The following CDC42SE2 variants were observed in gnomAD, a reference collection of about 807,000 sequenced individuals.
CDC42SE2 encodes CDC42 small effector protein 2.
Under a neutral mutation model 11.5 loss-of-function variants are expected in CDC42SE2, and 3 were observed. The ratio of observed to expected loss-of-function variants is 0.26; its 90% confidence interval spans 0.12 to 0.67. The LOEUF (loss-of-function observed/expected upper bound fraction) is 0.67. Among genes scored for constraint, CDC42SE2 ranks in the 30% least tolerant of loss-of-function variants. The pLI, the probability that CDC42SE2 is intolerant of heterozygous loss-of-function variation, is 0.80. For missense variants in CDC42SE2, 82 were observed against 106.8 expected, an observed-to-expected ratio of 0.77 and a Z score of 1.02; for synonymous variants, 33 against 34.8, an observed-to-expected ratio of 0.95 and a Z score of 0.18.
intron 2 of CDC42SE2, among the ~76,000 whole-genome samples, chr5:131,318,775 A>G (rs1421455528): frequency 6.6e-6 from 1 of 152,210 alleles, no homozygotes; most frequent in Non-Finnish European, 1.5e-5. Context: ...TAGCTGATAC[A>G]TCTTTCTCAA....
intron 1 of CDC42SE2, among the ~76,000 whole-genome samples, chr5:131,307,644 T>C (rs1048215602): frequency 1.7e-4 from 26 of 152,304 alleles, no homozygotes; most frequent in South Asian, 6.2e-4. Context: ...ATTGCCACAC[T>C]GACTTCCACA....
At chr5:131,310,692 C>A (rs1225168415) in intron 1 of CDC42SE2, among the ~76,000 whole-genome samples, 1 of 152,086 alleles carries the variant, frequency 6.6e-6, no homozygotes, top group African/African-American at 2.4e-5. Flanking sequence ...ATCCCTTTAC[C>A]ATTATGTAAT....
intron 1 of CDC42SE2, among the ~76,000 whole-genome samples, chr5:131,270,163 A>G (rs1756963175): frequency 6.6e-6 from 1 of 151,976 alleles, no homozygotes. Flanking sequence ...TCATGAGGTC[A>G]GGAGATCAAG....
At chr5:131,344,471 G>A (rs573158217) in intron 2 of CDC42SE2, among the ~76,000 whole-genome samples, 1 of 152,324 alleles carries the variant, frequency 6.6e-6, no homozygotes, top group Admixed American at 6.5e-5. Flanking sequence ...CACCATTGTT[G>A]AGGCTTGAGT....
At chr5:131,363,399 G>T (rs774613546) in intron 3 of CDC42SE2, among the ~76,000 whole-genome samples, 1 of 152,062 alleles carries the variant, frequency 6.6e-6, no homozygotes, top group Non-Finnish European at 1.5e-5. Context: ...GTTTTGAGAC[G>T]GAGTTTTGCT....
intron 1 of CDC42SE2, among the ~76,000 whole-genome samples, chr5:131,266,954 C>CTTTTTTTTTTTTTTTTTTTTTTTGT (rs34496996): frequency 1.4e-5 from 1 of 69,514 alleles, no homozygotes; most frequent in Non-Finnish European, 2.8e-5. Flanking sequence ...AAGTGTTTGG[C>CTTTTTTTTTTTTTTTTTTTTTTTGT]TTTTTTTTTT....
chr5:131,260,369 TC>T (rs1425715708), upstream of CDC42SE2, among the ~76,000 whole-genome samples: 3 of 152,200 alleles, frequency 2.0e-5, no homozygotes, highest in Admixed American at 1.3e-4. Context: ...CCGCCTGTAA[TC>T]CCAGCGCTTT....
At chr5:131,361,914 G>A (rs561591071) in intron 3 of CDC42SE2, among the ~76,000 whole-genome samples, 6 of 152,186 alleles carry the variant, frequency 3.9e-5, no homozygotes, top group Admixed American at 6.5e-5. Flanking sequence ...CCGTCTAACC[G>A]CTTGTGTCTT....
intron 2 of CDC42SE2, among the ~76,000 whole-genome samples, chr5:131,316,561 C>G (rs1248772056): frequency 6.6e-6 from 1 of 152,136 alleles, no homozygotes; most frequent in Non-Finnish European, 1.5e-5. Context: ...CAATGAGAGA[C>G]AAAAGGGACA....
chr5:131,301,758 A>C (rs1757687449), intron 1 of CDC42SE2, among the ~76,000 whole-genome samples: 1 of 137,682 alleles, frequency 7.3e-6, no homozygotes, highest in Admixed American at 7.1e-5. Flanking sequence ...ACTCCGTCTC[A>C]AAAAAAAAAA....
intron 1 of CDC42SE2, among the ~76,000 whole-genome samples, chr5:131,311,635 C>A (rs1041729310): frequency 2.0e-5 from 3 of 152,126 alleles, no homozygotes; most frequent in Admixed American, 6.5e-5. Context: ...GAAGACTTTG[C>A]TCGTTTCTTT....
the CDC42SE2 span, among the ~76,000 whole-genome samples, chr5:131,211,752 C>G: frequency 2.0e-5 from 3 of 152,012 alleles, no homozygotes; most frequent in African/African-American, 7.2e-5. Flanking sequence ...GAGGACGAGG[C>G]AGGAGGATTG....
chr5:131,316,864 T>A (rs2149729857), intron 2 of CDC42SE2, among the ~76,000 whole-genome samples: 1 of 152,234 alleles, frequency 6.6e-6, no homozygotes, highest in East Asian at 1.9e-4. Flanking sequence ...AGAAATTATC[T>A]AGATTTATTT....
chr5:131,360,949 A>C (rs1013453797), intron 3 of CDC42SE2, among the ~76,000 whole-genome samples: 3 of 150,930 alleles, frequency 2.0e-5, no homozygotes, highest in African/African-American at 7.3e-5. Flanking sequence ...TTCTAACTCT[A>C]TTGGTGATGT....
rs1456729758 is a variant in CDC42SE2 at position 131,264,139 on chromosome 5, G to C, written c.-482G>C. The C allele has an allele frequency of 1.3e-5, 2 of 152,448 alleles. No individual in the cohort carries two copies. The highest frequency in any genetic ancestry group is 4.8e-5 in the African/African-American group (2 of 41,582). The allele number at this position is 152,448 out of a possible 1,614,324, so 9.4% of individuals were successfully genotyped here. A position where few individuals can be genotyped will look rare whatever the true frequency, so the allele number is the denominator to read the frequency against. On this transcript the variant is annotated 5_prime_UTR_variant, in exon 1 of 5. Coordinates refer to ENST00000505065, the MANE Select transcript of CDC42SE2 (RefSeq NM_001375635.1). ...GCCGGCGCTGAGAGGGGCTGCGGCCGGAGCGGGCGGCTGAGACAAAGGCGA... is the reference window on the plus strand; with the variant it reads ...GCCGGCGCTGAGAGGGGCTGCGGCCCGAGCGGGCGGCTGAGACAAAGGCGA...
At chr5:131,263,540 A>G (rs181528878), upstream of CDC42SE2, 42 of 152,354 alleles carry the variant, frequency 2.8e-4, no homozygotes, top group African/African-American at 9.9e-4. Flanking sequence ...TGATTGAACG[A>G]TTCTGACTTT....
At chr5:131,335,551 A>G (rs976637413) in intron 2 of CDC42SE2, among the ~76,000 whole-genome samples, 5 of 152,240 alleles carry the variant, frequency 3.3e-5, no homozygotes, top group East Asian at 1.9e-4. Context: ...TGATCTGTCT[A>G]ATGTTGACAG....
chr5:131,306,686 A>G (rs1451261555), intron 1 of CDC42SE2, among the ~76,000 whole-genome samples: 1 of 152,098 alleles, frequency 6.6e-6, no homozygotes, highest in Admixed American at 6.6e-5. Context: ...TGGGTATTGT[A>G]GGCATTTTAA....
chr5:131,310,259 G>T (rs1268333009), intron 1 of CDC42SE2, among the ~76,000 whole-genome samples: 32 of 152,014 alleles, frequency 2.1e-4, no homozygotes, highest in Non-Finnish European at 4.3e-4. Context: ...GAGCGGTTTT[G>T]AGTGAGATTC....
Sources: gnomAD v4.1 joint callset for allele counts (sites outside exome capture counted in the v4.1 genomes callset) on GRCh38, gnomAD v4.1.1 for gene constraint, MANE v1.5 for transcripts, NCBI Gene and HGNC (gene_info 2026-07-23, HGNC 2026-07-21) for gene names.